Variants in BTBD1 observed in about 807,000 individuals in gnomAD.
The protein encoded by BTBD1 is BTB domain containing 1.
A neutral mutation model predicts 48.0 loss-of-function variants in BTBD1; 34 were observed. The ratio of observed to expected loss-of-function variants is 0.71; its 90% confidence interval spans 0.54 to 0.94. The LOEUF (loss-of-function observed/expected upper bound fraction) is 0.94, where lower values mean the gene tolerates loss of function less well. Ranked by LOEUF, BTBD1 falls within the 40% of genes least tolerant of loss-of-function variation. The probability of loss-of-function intolerance (pLI) is 0.00; values close to 1 mark genes in which losing one functional copy is unlikely to be tolerated. For synonymous variants in BTBD1, 261 were observed against 242.1 expected, an observed-to-expected ratio of 1.08 and a Z score of -0.72; for missense variants, 543 against 625.6, an observed-to-expected ratio of 0.87 and a Z score of 1.41.
At chr15:83,064,535 T>C (rs2033228174) in intron 1 of BTBD1, among the ~76,000 whole-genome samples, 1 of 152,174 alleles carries the variant, frequency 6.6e-6, no homozygotes, top group Non-Finnish European at 1.5e-5. Flanking sequence ...ATTTTTCCTC[T>C]ACATTCTTAT....
At chr15:83,064,208 C>G (rs1324306106) in intron 1 of BTBD1, among the ~76,000 whole-genome samples, 1 of 152,182 alleles carries the variant, frequency 6.6e-6, no homozygotes, top group East Asian at 1.9e-4. Context: ...CAAGTACTAT[C>G]AGGCATCTTT....
At chr15:83,055,937 A>G (rs1428031606) in intron 2 of BTBD1, among the ~76,000 whole-genome samples, 2 of 151,970 alleles carry the variant, frequency 1.3e-5, no homozygotes, top group Admixed American at 1.3e-4. Context: ...CACCGTATTA[A>G]CTCTAACATG....
At chr15:83,066,697 A>G (rs537927669) in intron 1 of BTBD1, 54 bp downstream of exon 1, 13 of 1,252,112 alleles carry the variant, frequency 1.0e-5, no homozygotes, top group East Asian at 9.9e-5. Flanking sequence ...GGGATCTCCC[A>G]GCCCGGCCCG....
In BTBD1 at chr15:83,017,831, C is replaced by CT. The variant is rs1426365958; in HGVS notation, c.*235dup. On this transcript the variant is annotated 3_prime_UTR_variant, in exon 8 of 8. Transcript: ENST00000261721. ...ACAAGATGAAGGTGAAAAAGCTGTG[C>CT]TTTTTTTTAAACCATTAAACCCAGT... is the stretch of plus-strand genomic sequence containing the variant. 1.3e-4 allele frequency: 33 copies of CT among 254,634 alleles called. No individual in the cohort carries two copies. Among genetic ancestry groups the CT allele is most frequent in the Non-Finnish European group, 1.4e-4 (19 of 136,350 alleles). 15.8% of individuals were successfully genotyped at this position (254,634 alleles called of 1,614,324 possible).
At chr15:83,047,695 G>A (rs2032905905) in intron 3 of BTBD1, among the ~76,000 whole-genome samples, 1 of 152,178 alleles carries the variant, frequency 6.6e-6, no homozygotes, top group Non-Finnish European at 1.5e-5. Context: ...TCTAGGGCAT[G>A]ACAGAACAAC....
intron 3 of BTBD1, among the ~76,000 whole-genome samples, chr15:83,046,664 A>T (rs2032885427): frequency 6.6e-6 from 1 of 152,326 alleles, no homozygotes; most frequent in African/African-American, 2.4e-5. Context: ...AGCTACCCTA[A>T]CAGGGAGGAA....
At chr15:83,065,770 G>A (rs1290652564) in intron 1 of BTBD1, among the ~76,000 whole-genome samples, 2 of 152,086 alleles carry the variant, frequency 1.3e-5, no homozygotes, top group African/African-American at 4.8e-5. Context: ...CTAACAGGAT[G>A]GCTGTGATTA....
rs572012855 is a variant in BTBD1, at chr15:83,048,983, C to T, written c.664+1090G>A. Among the ~76,000 whole-genome samples, 5 of 152,278 alleles carry T rather than the reference C, an allele frequency of 3.3e-5. 1 individual carries two copies. In the South Asian group the frequency reaches 1.0e-3, roughly 32 times the overall value. ...ATTTTGAGGAGGACCTCCCACACAA[C>T]GCAGTTCAAAAGCAAATAACATAGT... On this transcript the variant is annotated intron_variant, in intron 3 of 7. Coordinates refer to ENST00000261721, the MANE Select transcript of BTBD1 (RefSeq NM_025238.4).
chr15:83,026,447 T>TA (rs771437088), intron 5 of BTBD1, among the ~76,000 whole-genome samples: 6 of 151,816 alleles, frequency 4.0e-5, no homozygotes, highest in Non-Finnish European at 7.4e-5. Flanking sequence ...TTCATGTAGG[T>TA]AAAAAATCTG....
Position 83,018,094 on chromosome 15 carries a change from T to C in BTBD1, c.1422A>G (p.Gln474=). The C allele has an allele frequency of 6.2e-7, 1 of 1,606,592 alleles. No homozygotes were observed. Among genetic ancestry groups the C allele is most frequent in the African/African-American group, 1.3e-5 (1 of 74,778 alleles). ...ATGTATAAAATATGATTTCTGGAAT[T>C]TGTCCATCTTCTATTGAAGTGCCAT... ...NNNGTSIEDG[Q]IPEIIFYT Residue 474 remains glutamine, a synonymous_variant, in exon 8 of 8, where the codon CAA becomes CAG. Coordinates refer to ENST00000261721, the MANE Select transcript of BTBD1 (RefSeq NM_025238.4).
intron 5 of BTBD1, among the ~76,000 whole-genome samples, chr15:83,025,723 C>A (rs571650592): frequency 6.6e-6 from 1 of 152,120 alleles, no homozygotes; most frequent in South Asian, 2.1e-4. Flanking sequence ...TAACTAAATT[C>A]TTTTACATTA....
rs1322361920 is a variant in BTBD1, at chr15:83,032,767, T to A, written c.863-2439A>T. On this transcript the variant is annotated intron_variant, in intron 4 of 7. Transcript: ENST00000261721. ...GGGAGGTGAGCGATAAAAGCCTACA[T>A]GTTTGGTACCATTCCCCAACATGGT... 7.9e-5 allele frequency among the ~76,000 whole-genome samples: 12 copies of A among 151,934 alleles called. No individual in the cohort carries two copies. The South Asian group carries it at 2.3e-3, about 29-fold the overall frequency.
At chr15:83,018,639 A>G in intron 7 of BTBD1, 68 bp downstream of exon 7, 1 of 1,554,724 alleles carries the variant, frequency 6.4e-7, no homozygotes, top group Non-Finnish European at 8.7e-7. Context: ...AGTGACTCTC[A>G]GCTTCTAAAA....
At chr15:83,050,433 TG>T (rs2151310334) in intron 2 of BTBD1, among the ~76,000 whole-genome samples, 1 of 80,392 alleles carries the variant, frequency 1.2e-5, no homozygotes, top group African/African-American at 5.9e-5. Context: ...TATGTGCTTG[TG>T]TGTGTGTGTG....
rs199701993 is a variant in BTBD1, at chr15:83,037,163, G to GT, written c.862+4564dup. Among the ~76,000 whole-genome samples the GT allele has an allele frequency of 3.8e-3, 577 of 152,112 alleles. 10 individuals are homozygous for GT. The highest frequency in any genetic ancestry group is 0.035 in the Admixed American group (528 of 15,284). On this transcript the variant is annotated intron_variant, in intron 4 of 7. Transcript: ENST00000261721. ...AATAATAAATATACAAAGAATCAAT[G>GT]TAAGATAAACCAGTAAAACAAAATT...
chr15:83,030,271 A>G lies in BTBD1; in HGVS notation c.920T>C (p.Phe307Ser), dbSNP rs2032490542. 6.2e-7 allele frequency: 1 copy of G among 1,614,034 alleles called. No individual in the cohort carries two copies. The highest frequency in any genetic ancestry group is 1.3e-5 in the African/African-American group (1 of 74,920). ...AACTCGGGGTTTAGGGTTGACAGTAAAATGAAGAAAGAGGTTTACCACTTC... is the reference window on the plus strand; with the variant it reads ...AACTCGGGGTTTAGGGTTGACAGTAGAATGAAGAAAGAGGTTTACCACTTC... ...DREVVNLFLH[F>S]TVNPKPRVEY... is the part of the protein sequence containing the mutation. Residue 307 changes from phenylalanine to serine, a missense_variant, in exon 5 of 8, where the codon TTT becomes TCT. Phe to Ser is a radical substitution (Grantham distance 155, BLOSUM62 -2). Around this residue, in one of 3 missense-constraint regions of BTBD1, gnomAD observed 300 missense variants for 350.0 expected, o/e 0.86. Coordinates refer to ENST00000261721, the MANE Select transcript of BTBD1 (RefSeq NM_025238.4).
In BTBD1 at chr15:83,067,041, C is replaced by A. The variant is rs767943150; in HGVS notation, c.111G>T (p.Leu37=). 8.9e-6 allele frequency: 14 copies of A among 1,581,556 alleles called. No individual in the cohort carries two copies. In the Admixed American group the frequency reaches 2.3e-4, roughly 26 times the overall value. ...PPPSPSSLGP[L]LPLQREPLYN... ...AGAGAGGTTCCCGCTGCAGGGGGAGCAGGGGCCCCAGAGAGGACGGTGAGG... is the reference window on the plus strand; with the variant it reads ...AGAGAGGTTCCCGCTGCAGGGGGAGAAGGGGCCCCAGAGAGGACGGTGAGG... Residue 37 remains leucine (L), a synonymous_variant, in exon 1 of 8, where the codon CTG becomes CTT. Transcript: ENST00000261721.
chr15:83,027,782 G>C (rs968523401), intron 5 of BTBD1, among the ~76,000 whole-genome samples: 2 of 152,204 alleles, frequency 1.3e-5, no homozygotes, highest in African/African-American at 2.4e-5. Flanking sequence ...TAAAGAAAAC[G>C]TAAGTGGCAG....
chr15:83,055,705 T>A (rs1257471768), intron 2 of BTBD1, among the ~76,000 whole-genome samples: 1 of 152,228 alleles, frequency 6.6e-6, no homozygotes, highest in Non-Finnish European at 1.5e-5. Flanking sequence ...ATCGTTAATT[T>A]TAGAACTTTT....
Sources: allele counts gnomAD v4.1 joint callset (sites outside exome capture counted in the v4.1 genomes callset), GRCh38; gene constraint gnomAD v4.1.1; regional missense constraint gnomAD v4.1.1; transcripts MANE v1.5; gene names NCBI Gene and HGNC (gene_info 2026-07-23, HGNC 2026-07-21).